The following CFAP107 variants were observed in gnomAD, a reference collection of about 807,000 sequenced individuals.
CFAP107 encodes the protein cilia and flagella associated protein 107.
the CFAP107 span, among the ~76,000 whole-genome samples, chr1:12,756,270 G>A: frequency 0.014 from 2,072 of 152,304 alleles, 26 homozygotes; most frequent in Non-Finnish European, 0.021. Context: ...ACTTGTCTAG[G>A]AATCATGGTG....
the CFAP107 span, chr1:12,755,729 A>G: frequency 1.9e-6 from 3 of 1,613,840 alleles, no homozygotes; most frequent in Non-Finnish European, 1.7e-6. Flanking sequence ...AGACACCCCA[A>G]TCCATTTACA....
At chr1:12,747,518 C>T in the CFAP107 span, among the ~76,000 whole-genome samples, 1 of 152,170 alleles carries the variant, frequency 6.6e-6, no homozygotes, top group South Asian at 2.1e-4. Flanking sequence ...AAGACTGAGC[C>T]ACTTAAAGCT....
chr1:12,758,181 G>C, the CFAP107 span, among the ~76,000 whole-genome samples: 1 of 151,514 alleles, frequency 6.6e-6, no homozygotes, highest in Admixed American at 6.6e-5. Flanking sequence ...AGGGCATGGC[G>C]TGCCCTTCCT....
the CFAP107 span, among the ~76,000 whole-genome samples, chr1:12,751,201 C>A: frequency 6.6e-6 from 1 of 151,862 alleles, no homozygotes; most frequent in South Asian, 2.1e-4. Context: ...AATTAGAAAC[C>A]TAGCTTTACA....
At chr1:12,746,596 C>G in the CFAP107 span, 1 of 1,294,786 alleles carries the variant, frequency 7.7e-7, no homozygotes, top group Non-Finnish European at 1.1e-6. Context: ...TGGGGAGAGG[C>G]AGGAGTGAAG....
chr1:12,752,931 C>T, the CFAP107 span, among the ~76,000 whole-genome samples: 1 of 152,022 alleles, frequency 6.6e-6, no homozygotes, highest in Non-Finnish European at 1.5e-5. Flanking sequence ...TCTCTCTTTT[C>T]GCAGATGGCA....
At chr1:12,759,386 A>G in the CFAP107 span, 25 of 1,614,048 alleles carry the variant, frequency 1.5e-5, no homozygotes, top group Admixed American at 1.7e-4. Context: ...TATGACGACC[A>G]TTACAACCGG....
the CFAP107 span, among the ~76,000 whole-genome samples, chr1:12,747,156 C>A: frequency 3.3e-5 from 5 of 152,084 alleles, no homozygotes; most frequent in Admixed American, 3.3e-4. Context: ...CAACCTTCAC[C>A]TCCCAGGCTC....
the CFAP107 span, chr1:12,755,911 G>A: frequency 5.1e-6 from 4 of 781,132 alleles, no homozygotes; most frequent in Middle Eastern, 3.1e-4. Context: ...CGTCTTGGGG[G>A]AAATCAGGAG....
the CFAP107 span, chr1:12,762,798 G>T: frequency 6.6e-6 from 1 of 152,580 alleles, no homozygotes; most frequent in African/African-American, 2.4e-5. Flanking sequence ...ATTGCGAGGA[G>T]TGAGGGAGAC....
At chr1:12,752,546 G>A in the CFAP107 span, among the ~76,000 whole-genome samples, 1 of 104,896 alleles carries the variant, frequency 9.5e-6, no homozygotes, top group Non-Finnish European at 1.7e-5. Flanking sequence ...CAGCCTGGCC[G>A]ACTCTGTCTA....
chr1:12,760,816 G>A, the CFAP107 span: 1 of 1,614,154 alleles, frequency 6.2e-7, no homozygotes, highest in Non-Finnish European at 8.5e-7. Context: ...AGCAGAGACA[G>A]CTCACACCCA....
At chr1:12,757,513 G>A in the CFAP107 span, among the ~76,000 whole-genome samples, 1 of 151,830 alleles carries the variant, frequency 6.6e-6, no homozygotes, top group South Asian at 2.1e-4. Context: ...CTTCCAAGTA[G>A]CTGGGATTAC....
At chr1:12,754,056 C>T in the CFAP107 span, 1 of 152,074 alleles carries the variant, frequency 6.6e-6, no homozygotes, top group African/African-American at 2.4e-5. Context: ...AACTTTGTGC[C>T]TCAAAGGACA....
At chr1:12,759,517 C>A in the CFAP107 span, 1 of 1,613,276 alleles carries the variant, frequency 6.2e-7, no homozygotes, top group Non-Finnish European at 8.5e-7. Context: ...TATTCCTCTG[C>A]GTTGGTCTGT....
the CFAP107 span, chr1:12,746,587 G>C: frequency 2.9e-6 from 4 of 1,366,144 alleles, no homozygotes; most frequent in Non-Finnish European, 4.2e-6. Context: ...AGGGACTGAT[G>C]GGGAGAGGCA....
chr1:12,748,991 A>G, the CFAP107 span, among the ~76,000 whole-genome samples: 1 of 152,216 alleles, frequency 6.6e-6, no homozygotes, highest in Non-Finnish European at 1.5e-5. Context: ...GAATCAGCAA[A>G]TTTAAAGGCA....
chr1:12,750,646 A>G, the CFAP107 span, among the ~76,000 whole-genome samples: 1 of 152,212 alleles, frequency 6.6e-6, no homozygotes, highest in Non-Finnish European at 1.5e-5. Context: ...CTATATATTG[A>G]TAAAAGGGCC....
At chr1:12,757,572 G>A in the CFAP107 span, among the ~76,000 whole-genome samples, 3 of 151,946 alleles carry the variant, frequency 2.0e-5, no homozygotes, top group Non-Finnish European at 4.4e-5. Context: ...TTTTAGTAGA[G>A]ATAGGGTTTT....
Sources: allele counts gnomAD v4.1 joint callset (sites outside exome capture counted in the v4.1 genomes callset), GRCh38; gene constraint gnomAD v4.1.1; transcripts MANE v1.5; gene names NCBI Gene and HGNC (gene_info 2026-07-23, HGNC 2026-07-21).